Variants in ARHGAP8 observed in about 807,000 individuals in gnomAD.
ARHGAP8 encodes the protein Rho GTPase activating protein 8.
ARHGAP8 carries 62 observed loss-of-function variants against 46.1 expected under a neutral mutation model. The observed-to-expected ratio is 1.34, with a 90% CI of 1.10 to 1.66. The LOEUF (loss-of-function observed/expected upper bound fraction) is 1.66. Ranked by LOEUF, ARHGAP8 falls within the 40% of genes most tolerant of loss-of-function variation. The pLI is 0.00. For missense variants in ARHGAP8, 923 were observed against 568.4 expected (o/e 1.62, Z -6.34); for synonymous variants, 375 against 243.1 (o/e 1.54, Z -5.05).
At chr22:44,816,884 C>CTTTTTTTTTTTTTTTTTTTTTTT (rs981732386) in intron 5 of ARHGAP8, among the ~76,000 whole-genome samples, 4 of 115,110 alleles carry the variant, frequency 3.5e-5, no homozygotes, top group Non-Finnish European at 3.5e-5. Context: ...TTCTTTCTTT[C>CTTTTTTTTTTTTTTTTTTTTTTT]TTTTTTTTTT....
chr22:44,798,095 G>C (rs1928227666), intron 2 of ARHGAP8, among the ~76,000 whole-genome samples: 1 of 151,486 alleles, frequency 6.6e-6, no homozygotes, highest in South Asian at 2.1e-4. Flanking sequence ...TCCTGCCTCA[G>C]CTTCCTGAGT....
intron 2 of ARHGAP8, among the ~76,000 whole-genome samples, chr22:44,794,705 G>A (rs5765020): frequency 0.19 from 28,299 of 151,468 alleles, 2,859 homozygotes; most frequent in East Asian, 0.44. Context: ...GCAAGACTCC[G>A]TCTCAGAAAA....
intron 10 of ARHGAP8, among the ~76,000 whole-genome samples, chr22:44,853,831 C>T (rs1601524037): frequency 6.6e-6 from 1 of 151,788 alleles, no homozygotes; most frequent in African/African-American, 2.4e-5. Context: ...AGTTTGAGAC[C>T]AGTCTGACCA....
intron 2 of ARHGAP8, among the ~76,000 whole-genome samples, chr22:44,787,434 C>A (rs1178100647): frequency 6.6e-6 from 1 of 152,160 alleles, no homozygotes; most frequent in Non-Finnish European, 1.5e-5. Context: ...CAACCTCTGC[C>A]TCCCGGGTTC....
At chr22:44,754,291 C>T (rs866867142) in intron 1 of ARHGAP8, among the ~76,000 whole-genome samples, 57 of 151,244 alleles carry the variant, frequency 3.8e-4, no homozygotes, top group African/African-American at 1.3e-3. Context: ...GAGTGCCTGA[C>T]GGGGTGGGCC....
intron 7 of ARHGAP8, among the ~76,000 whole-genome samples, chr22:44,840,818 C>T (rs562635377): frequency 1.6e-4 from 24 of 152,298 alleles, no homozygotes; most frequent in Non-Finnish European, 2.9e-4. Flanking sequence ...GCCGCGTCCT[C>T]GCGTGGAGAA....
chr22:44,794,184 T>A (rs1433200195), intron 2 of ARHGAP8, among the ~76,000 whole-genome samples: 2 of 152,222 alleles, frequency 1.3e-5, no homozygotes, highest in African/African-American at 2.4e-5. Context: ...TCCTACCTGG[T>A]CCGTGGTAAC....
intron 6 of ARHGAP8, among the ~76,000 whole-genome samples, chr22:44,824,091 G>A (rs1205697155): frequency 6.6e-6 from 1 of 152,166 alleles, no homozygotes; most frequent in Admixed American, 6.5e-5. Context: ...ACTTCCTGGT[G>A]GGTGCTGCGA....
At chr22:44,841,145 G>A (rs888701523) in intron 7 of ARHGAP8, among the ~76,000 whole-genome samples, 6 of 152,226 alleles carry the variant, frequency 3.9e-5, no homozygotes, top group Admixed American at 6.5e-5. Context: ...CGTAGGGAAC[G>A]GGGGAGGGAA....
chr22:44,807,072 C>T (rs1050830727), intron 3 of ARHGAP8, among the ~76,000 whole-genome samples: 11 of 152,178 alleles, frequency 7.2e-5, no homozygotes, highest in Admixed American at 3.3e-4. Flanking sequence ...CAGGCTGCTG[C>T]GGCTTTCTCC....
chr22:44,764,517 A>G (rs1037868074), intron 1 of ARHGAP8, among the ~76,000 whole-genome samples: 1 of 152,206 alleles, frequency 6.6e-6, no homozygotes, highest in African/African-American at 2.4e-5. Flanking sequence ...TGTGTTTGAC[A>G]TTCCCTGCAT....
At chr22:44,835,191 A>G (rs1273689595) in intron 7 of ARHGAP8, among the ~76,000 whole-genome samples, 1 of 151,462 alleles carries the variant, frequency 6.6e-6, no homozygotes, top group Non-Finnish European at 1.5e-5. Flanking sequence ...TGTTAAATAC[A>G]TACTTTCTAG....
chr22:44,827,529 A>T (rs1930624541), intron 7 of ARHGAP8, among the ~76,000 whole-genome samples: 1 of 151,008 alleles, frequency 6.6e-6, no homozygotes, highest in Non-Finnish European at 1.5e-5. Flanking sequence ...TTTTAGTAGA[A>T]ACGGGGTTTC....
At chr22:44,807,666 G>A (rs745647894) in intron 3 of ARHGAP8, among the ~76,000 whole-genome samples, 3 of 152,156 alleles carry the variant, frequency 2.0e-5, no homozygotes, top group African/African-American at 7.2e-5. Context: ...ATGTGGTGGC[G>A]TAAAACCAGA....
Position 44,854,925 on chromosome 22 carries a change from C to A in ARHGAP8, c.878-4806C>A, listed in dbSNP as rs946308640. On this transcript the variant is annotated intron_variant, in intron 10 of 11. Coordinates refer to ENST00000356099, the MANE Select transcript of ARHGAP8 (RefSeq NM_181335.3). ...CCTCCCGAAGTGCTGGGATTACAGG[C>A]GTGAGCCACCGTGCCCAACCTATAC... Among the ~76,000 whole-genome samples the A allele has an allele frequency of 3.9e-5, 6 of 152,352 alleles. No individual in the cohort carries two copies. In the East Asian group the frequency reaches 1.2e-3, roughly 29 times the overall value.
Position 44,846,761 on chromosome 22 carries a change from CTG to C in ARHGAP8, c.671-1211_671-1210del, listed in dbSNP as rs556136026. On this transcript the variant is annotated intron_variant, in intron 8 of 11. Transcript: ENST00000356099. ...CTACGTGCCTCCCTCGTGCCAGACT[CTG>C]GGGATATCAAAGTGAGCACACGGGA... 7.1e-4 allele frequency among the ~76,000 whole-genome samples: 108 copies of C among 152,286 alleles called. 1 individual carries two copies. Among genetic ancestry groups the C allele is most frequent in the African/African-American group, 2.5e-3 (105 of 41,566 alleles).
At chr22:44,859,887 T>G in intron 11 of ARHGAP8, 53 bp downstream of exon 11, 2 of 1,593,782 alleles carry the variant, frequency 1.3e-6, no homozygotes, top group Non-Finnish European at 8.5e-7. Context: ...TTCCCTCCCA[T>G]GCTGGGCCCG....
At chr22:44,770,565 C>T (rs751087448) in intron 1 of ARHGAP8, among the ~76,000 whole-genome samples, 24 of 152,200 alleles carry the variant, frequency 1.6e-4, no homozygotes, top group African/African-American at 5.3e-4. Context: ...GCCACCATGT[C>T]TGGCTAATTT....
At chr22:44,859,693 C>T (rs778969201) in intron 10 of ARHGAP8, 38 bp from the exon 11 acceptor site, 8 of 1,606,676 alleles carry the variant, frequency 5.0e-6, no homozygotes, top group East Asian at 4.5e-5. Context: ...TGCCCCTGGC[C>T]CCTCTGGAGC....
Sources: gnomAD v4.1 joint callset for allele counts (sites outside exome capture counted in the v4.1 genomes callset) on GRCh38, gnomAD v4.1.1 for gene constraint, MANE v1.5 for transcripts, NCBI Gene and HGNC (gene_info 2026-07-23, HGNC 2026-07-21) for gene names.